SUGP1: variants seen among roughly 807,000 people sequenced by gnomAD.
SUGP1 encodes the protein SURP and G-patch domain-containing protein 1.
A neutral mutation model predicts 76.5 loss-of-function variants in SUGP1; 34 were observed. The ratio of observed to expected loss-of-function variants is 0.44; its 90% CI spans 0.34 to 0.59. The LOEUF (loss-of-function observed/expected upper bound fraction) is 0.59, where lower values mean the gene tolerates loss of function less well. SUGP1 is among the 20% of genes least tolerant of loss of function. The probability of loss-of-function intolerance (pLI) is 0.01; values close to 1 mark genes in which losing one functional copy is unlikely to be tolerated. For synonymous variants in SUGP1, 326 were observed against 326.2 expected, an observed-to-expected ratio of 1.00 and a Z score of 0.01; for missense variants, 752 against 851.7, an observed-to-expected ratio of 0.88 and a Z score of 1.46.
intron 3 of SUGP1, among the ~76,000 whole-genome samples, chr19:19,307,051 T>C (rs969774515): frequency 6.8e-6 from 1 of 147,682 alleles, no homozygotes; most frequent in Non-Finnish European, 1.5e-5. Flanking sequence ...GACCTCATCT[T>C]TTTTTTTTTA....
chr19:19,310,260 G>T, intron 2 of SUGP1, 60 bp from the exon 3 acceptor site: 2 of 1,311,324 alleles, frequency 1.5e-6, no homozygotes, highest in South Asian at 1.2e-5. Context: ...GAGGGCACCA[G>T]AGGACGAGGA....
chr19:19,308,869 ATT>A (rs34260128), intron 3 of SUGP1, among the ~76,000 whole-genome samples: 171 of 147,558 alleles, frequency 1.2e-3, no homozygotes, highest in South Asian at 3.2e-3. Flanking sequence ...CCCCTTGGTA[ATT>A]TTTTTTTTTT....
chr19:19,306,710 C>A (rs1286801572), intron 3 of SUGP1, among the ~76,000 whole-genome samples: 3 of 152,240 alleles, frequency 2.0e-5, no homozygotes, highest in Non-Finnish European at 2.9e-5. Flanking sequence ...ACACTGCACA[C>A]CTGTAGGCGA....
chr19:19,276,338 A>C lies in SUGP1; in HGVS notation c.*310T>G. ...AGTGCTGGGATGACAGGGGTGAGAC[A>C]CTGCACCTGGCCTTCCAGCTTTACT... is the stretch of plus-strand genomic sequence containing the variant. On this transcript the variant is annotated 3_prime_UTR_variant, in exon 14 of 14. Coordinates refer to ENST00000247001, the MANE Select transcript of SUGP1 (RefSeq NM_172231.4). 1 of 335,136 alleles carries C rather than the reference A, an allele frequency of 3.0e-6. No homozygotes were observed. Among genetic ancestry groups the C allele is most frequent in the East Asian group, 6.5e-5 (1 of 15,432 alleles). The allele number at this position is 335,136 out of a possible 1,614,324, so 20.8% of individuals were successfully genotyped here. A position where few individuals can be genotyped will look rare whatever the true frequency, so the allele number is the denominator to read the frequency against.
At chr19:19,309,963 C>G (rs1333045137) in intron 3 of SUGP1, 134 bp downstream of exon 3, 1 of 601,730 alleles carries the variant, frequency 1.7e-6, no homozygotes, top group Non-Finnish European at 3.0e-6. Flanking sequence ...TTGGTGCACG[C>G]ATGGGTGGAA....
chr19:19,319,725 A>G (rs892641916), intron 1 of SUGP1, among the ~76,000 whole-genome samples: 7 of 151,288 alleles, frequency 4.6e-5, no homozygotes, highest in East Asian at 1.9e-4. Flanking sequence ...AAAAAAAAAA[A>G]AAAAGAAAGA....
chr19:19,314,075 C>T (rs2061373254), intron 2 of SUGP1, among the ~76,000 whole-genome samples: 1 of 151,610 alleles, frequency 6.6e-6, no homozygotes, highest in African/African-American at 2.4e-5. Context: ...AGGCGGAGGT[C>T]GCAGTGAGCC....
At chr19:19,319,233 A>G (rs1295007084) in intron 1 of SUGP1, among the ~76,000 whole-genome samples, 1 of 152,032 alleles carries the variant, frequency 6.6e-6, no homozygotes, top group Non-Finnish European at 1.5e-5. Flanking sequence ...ACAAAAAGAA[A>G]AAAAGAATTC....
At position 19,316,614 on chromosome 19, in the gene SUGP1, C is replaced by T. The variant is rs370152148; in HGVS notation, c.35-21G>A. ...CTTTCCTGGGGAGGGAAAAGGAGTA[C>T]GTCGGAAATCACCCTTACTCCACAA... is the stretch of plus-strand genomic sequence containing the variant. On this transcript the variant is annotated intron_variant, in intron 1 of 13. Coordinates refer to ENST00000247001, the MANE Select transcript of SUGP1 (RefSeq NM_172231.4). 4.2e-5 allele frequency: 68 copies of T among 1,612,598 alleles called. No individual in the cohort carries two copies. The African/African-American group carries it at 5.5e-4, about 13-fold the overall frequency.
chr19:19,314,918 C>G lies in SUGP1; in HGVS notation c.206+1504G>C, dbSNP rs2061381444. Among the ~76,000 whole-genome samples, 3 of 152,236 alleles carry G rather than the reference C, an allele frequency of 2.0e-5. No homozygotes were observed. The South Asian group carries it at 6.2e-4, about 31-fold the overall frequency. ...GCGTGGCAGCGCATGCCTGTAATCC[C>G]AGCTACTTGGGAGGCTGAGGCAGGA... On this transcript the variant is annotated intron_variant, in intron 2 of 13. Transcript: ENST00000247001.
intron 5 of SUGP1, 97 bp from the exon 6 acceptor site, chr19:19,303,545 G>T: frequency 7.3e-7 from 1 of 1,366,900 alleles, no homozygotes; most frequent in Non-Finnish European, 1.0e-6. Flanking sequence ...GCAGGCTGGC[G>T]AGCAGGGACC....
intron 4 of SUGP1, among the ~76,000 whole-genome samples, chr19:19,304,298 G>A (rs144332609): frequency 4.1e-4 from 62 of 152,236 alleles, no homozygotes; most frequent in South Asian, 1.0e-3. Context: ...CATCATAGAA[G>A]CTCTGCGGCC....
At chr19:19,303,968 C>T (rs1212767606) in intron 4 of SUGP1, 121 bp from the exon 5 acceptor site, 6 of 1,597,376 alleles carry the variant, frequency 3.8e-6, no homozygotes, top group Non-Finnish European at 5.1e-6. Context: ...ATGCAGGAGG[C>T]TGTCGGGCGT....
intron 11 of SUGP1, 94 bp downstream of exon 11, chr19:19,278,596 G>A: frequency 9.2e-7 from 1 of 1,090,418 alleles, no homozygotes; most frequent in South Asian, 1.4e-5. Flanking sequence ...GATCGAGAGG[G>A]TAGCCAGGCT....
chr19:19,299,533 C>T (rs929475141), intron 7 of SUGP1, among the ~76,000 whole-genome samples: 2 of 140,414 alleles, frequency 1.4e-5, no homozygotes, highest in Non-Finnish European at 3.0e-5. Flanking sequence ...CCACCACACC[C>T]GGCTAATTTT....
At chr19:19,311,028 T>C (rs2061349133) in intron 2 of SUGP1, among the ~76,000 whole-genome samples, 1 of 151,850 alleles carries the variant, frequency 6.6e-6, no homozygotes, top group Admixed American at 6.6e-5. Context: ...TGCAGGCATG[T>C]GCCACTCTGC....
chr19:19,303,305 C>T, intron 6 of SUGP1, 43 bp downstream of exon 6: 1 of 1,559,340 alleles, frequency 6.4e-7, no homozygotes, highest in Non-Finnish European at 8.8e-7. Flanking sequence ...CACGGTATGT[C>T]CACAGGCCTC....
chr19:19,309,739 T>C (rs918565923), intron 3 of SUGP1, among the ~76,000 whole-genome samples: 1 of 151,850 alleles, frequency 6.6e-6, no homozygotes, highest in African/African-American at 2.4e-5. Flanking sequence ...TGAAACCCCA[T>C]CTCTACTAAA....
At chr19:19,310,630 CTCTG>C (rs1408076487) in intron 2 of SUGP1, among the ~76,000 whole-genome samples, 2 of 152,144 alleles carry the variant, frequency 1.3e-5, no homozygotes, top group Non-Finnish European at 2.9e-5. Context: ...GTCTCTCTCT[CTCTG>C]TCTCTCTCCC....
Sources: allele counts gnomAD v4.1 joint callset (sites outside exome capture counted in the v4.1 genomes callset), GRCh38; gene constraint gnomAD v4.1.1; transcripts MANE v1.5; gene names NCBI Gene and HGNC (gene_info 2026-07-23, HGNC 2026-07-21).